Variants in NRXN3 observed in about 807,000 individuals in gnomAD.
NRXN3 encodes neurexin III.
Under a neutral mutation model 137.6 loss-of-function variants are expected in NRXN3, and 32 were observed. The ratio of observed to expected loss-of-function variants is 0.23; its 90% CI spans 0.18 to 0.31. The LOEUF is 0.31. Ranked by LOEUF, NRXN3 falls within the 10% of genes least tolerant of loss-of-function variation. NRXN3 has a pLI of 1.00. For missense variants in NRXN3, 1,574 were observed against 2,062.5 expected (o/e 0.76, Z 4.59); for synonymous variants, 798 against 784.5 (o/e 1.02, Z -0.29).
Position 79,084,207 on chromosome 14 carries a change from C to T in NRXN3, c.3262+96066C>T, listed in dbSNP as rs112685978. Among the ~76,000 whole-genome samples the T allele has an allele frequency of 4.3e-3, 659 of 152,236 alleles. 3 individuals carry two copies. The highest frequency in any genetic ancestry group is 0.015 in the African/African-American group (628 of 41,530). ...GGGATTATAGATGTGAGTCACTGCA[C>T]TTGGCCAGCAAGGGAAAGTTTTGAG... On this transcript the variant is annotated intron_variant, in intron 15 of 20. Coordinates refer to ENST00000335750, the MANE Select transcript of NRXN3 (RefSeq NM_001330195.2).
At chr14:79,238,844 C>T (rs374011662) in intron 15 of NRXN3, among the ~76,000 whole-genome samples, 1 of 152,020 alleles carries the variant, frequency 6.6e-6, no homozygotes, top group Non-Finnish European at 1.5e-5. Context: ...GCAACAGATC[C>T]AGAGAAAGAA....
chr14:78,456,436 T>C (rs1007239394), intron 4 of NRXN3, among the ~76,000 whole-genome samples: 1 of 152,244 alleles, frequency 6.6e-6, no homozygotes, highest in Admixed American at 6.5e-5. Context: ...TTTTCTGCTT[T>C]AATGACATAA....
chr14:78,735,361 A>G (rs535406586), intron 8 of NRXN3, among the ~76,000 whole-genome samples: 169 of 152,306 alleles, frequency 1.1e-3, no homozygotes, highest in African/African-American at 3.8e-3. Flanking sequence ...AGAGATAAGC[A>G]GAATCTTTGG....
intron 15 of NRXN3, among the ~76,000 whole-genome samples, chr14:79,112,636 G>T (rs1438843052): frequency 6.6e-6 from 1 of 152,180 alleles, no homozygotes; most frequent in Admixed American, 6.5e-5. Context: ...GCACATGCCT[G>T]GGATTTTACA....
At chr14:79,248,585 A>G (rs1289918061) in intron 15 of NRXN3, 2 of 152,114 alleles carry the variant, frequency 1.3e-5, no homozygotes, top group Non-Finnish European at 2.9e-5. Flanking sequence ...ACACTGAGCC[A>G]TAACTGCATA....
intron 15 of NRXN3, among the ~76,000 whole-genome samples, chr14:79,021,171 T>C (rs2099589073): frequency 6.6e-6 from 1 of 152,178 alleles, no homozygotes; most frequent in African/African-American, 2.4e-5. Flanking sequence ...CTTACAACCA[T>C]ACTGTAAGCT....
chr14:78,679,077 G>A (rs1170656099), intron 6 of NRXN3, among the ~76,000 whole-genome samples: 1 of 152,112 alleles, frequency 6.6e-6, no homozygotes, highest in Non-Finnish European at 1.5e-5. Context: ...AAGCAGATAT[G>A]ATTACTGCAG....
intron 16 of NRXN3, among the ~76,000 whole-genome samples, chr14:79,555,621 A>G (rs1460171856): frequency 6.6e-6 from 1 of 152,158 alleles, no homozygotes; most frequent in Non-Finnish European, 1.5e-5. Flanking sequence ...GACTTCTCAG[A>G]GATGGTGAGT....
At chr14:79,338,203 G>A (rs1347898007) in intron 15 of NRXN3, among the ~76,000 whole-genome samples, 1 of 135,596 alleles carries the variant, frequency 7.4e-6, no homozygotes, top group Admixed American at 7.6e-5. Flanking sequence ...CGGGGTGTGT[G>A]TGTGTGTGTA....
chr14:79,449,461 T>C (rs932248216), intron 15 of NRXN3, among the ~76,000 whole-genome samples: 1 of 152,116 alleles, frequency 6.6e-6, no homozygotes, highest in Admixed American at 6.5e-5. Context: ...TCAAAGCAAA[T>C]CATTTTTTAG....
intron 15 of NRXN3, among the ~76,000 whole-genome samples, chr14:79,360,329 T>A (rs2093639318): frequency 6.6e-6 from 1 of 152,224 alleles, no homozygotes; most frequent in South Asian, 2.1e-4. Context: ...GGTCTTGAAC[T>A]CCTGACCTCA....
chr14:79,455,267 G>A (rs996611820), intron 15 of NRXN3, among the ~76,000 whole-genome samples: 4 of 152,158 alleles, frequency 2.6e-5, no homozygotes, highest in Non-Finnish European at 4.4e-5. Context: ...GGTGATGTCT[G>A]TTTTATAAGA....
intron 15 of NRXN3, among the ~76,000 whole-genome samples, chr14:79,124,699 T>A (rs1009154286): frequency 2.0e-5 from 3 of 152,184 alleles, no homozygotes; most frequent in Non-Finnish European, 2.9e-5. Flanking sequence ...CTTAACATGT[T>A]TTCTGTCTGG....
intron 4 of NRXN3, among the ~76,000 whole-genome samples, chr14:78,367,663 G>C (rs1215989835): frequency 6.6e-6 from 1 of 152,156 alleles, no homozygotes; most frequent in African/African-American, 2.4e-5. Context: ...AGGACTTTTT[G>C]GGAGAGAGAT....
chr14:78,744,551 G>A (rs746459), intron 8 of NRXN3: 42,614 of 152,166 alleles, frequency 0.28, 6,503 homozygotes, highest in African/African-American at 0.37. Flanking sequence ...AAACGTTGAA[G>A]GGATTCATTT....
intron 15 of NRXN3, among the ~76,000 whole-genome samples, chr14:79,269,040 T>TATTTTA (rs2078889723): frequency 1.4e-5 from 2 of 146,716 alleles, no homozygotes; most frequent in East Asian, 2.1e-4. Flanking sequence ...AATTTTTATT[T>TATTTTA]TTCTTATTTT....
At chr14:79,102,754 C>T (rs893379602) in intron 15 of NRXN3, among the ~76,000 whole-genome samples, 11 of 151,896 alleles carry the variant, frequency 7.2e-5, no homozygotes, top group African/African-American at 2.7e-4. Flanking sequence ...TTATATCAGG[C>T]CAATTAGGCA....
chr14:78,891,278 C>T (rs28476724), intron 10 of NRXN3, among the ~76,000 whole-genome samples: 2,573 of 151,990 alleles, frequency 0.017, 75 homozygotes, highest in African/African-American at 0.059. Flanking sequence ...AATTATTGTC[C>T]ATATTTTACT....
intron 10 of NRXN3, among the ~76,000 whole-genome samples, chr14:78,840,081 C>T (rs1432073672): frequency 6.6e-6 from 1 of 152,100 alleles, no homozygotes; most frequent in African/African-American, 2.4e-5. Context: ...ACCTGTATGC[C>T]TTCTTTAGTG....
Sources: allele counts gnomAD v4.1 joint callset (sites outside exome capture counted in the v4.1 genomes callset), GRCh38; gene constraint gnomAD v4.1.1; transcripts MANE v1.5; gene names NCBI Gene and HGNC (gene_info 2026-07-23, HGNC 2026-07-21).